The following NFIB variants were observed in gnomAD, a reference collection of about 807,000 sequenced individuals.
NFIB encodes the protein nuclear factor I B.
NFIB carries 11 observed loss-of-function variants against 61.5 expected under a neutral mutation model. The ratio of observed to expected loss-of-function variants is 0.18; its 90% CI spans 0.11 to 0.30. NFIB has a LOEUF of 0.30. Among genes scored for constraint, NFIB ranks in the 10% least tolerant of loss-of-function variants. The probability of loss-of-function intolerance (pLI) is 1.00; values close to 1 mark genes in which losing one functional copy is unlikely to be tolerated. For missense variants in NFIB, 471 were observed against 608.9 expected (o/e 0.77, Z 2.38); for synonymous variants, 260 against 216.5 (o/e 1.20, Z -1.76).
intron 1 of NFIB, among the ~76,000 whole-genome samples, chr9:14,351,402 AG>A (rs1283042523): frequency 6.6e-6 from 1 of 152,052 alleles, no homozygotes; most frequent in Non-Finnish European, 1.5e-5. Flanking sequence ...GAGCTGGGCT[AG>A]GGCTGGCTGT....
chr9:14,292,019 T>C (rs900043442), intron 2 of NFIB, among the ~76,000 whole-genome samples: 49 of 152,086 alleles, frequency 3.2e-4, no homozygotes, highest in Admixed American at 2.9e-3. Flanking sequence ...CCTATGAAAA[T>C]GTATAAAAGA....
intron 1 of NFIB, chr9:14,322,023 C>T (rs2060672795): frequency 8.3e-7 from 1 of 1,208,972 alleles, no homozygotes; most frequent in African/African-American, 1.7e-5. Context: ...GTCTCAGGTA[C>T]AGATTTGTGG....
the NFIB span, among the ~76,000 whole-genome samples, chr9:14,483,035 G>A: frequency 1.3e-5 from 2 of 152,090 alleles, no homozygotes; most frequent in Non-Finnish European, 2.9e-5. Flanking sequence ...GACAATGATC[G>A]TCTTGTGCAT....
chr9:14,160,837 A>AG (rs1183410517), intron 3 of NFIB, among the ~76,000 whole-genome samples: 1 of 149,554 alleles, frequency 6.7e-6, no homozygotes, highest in East Asian at 2.0e-4. Flanking sequence ...ATCTCAAAAA[A>AG]AAAAAAAAAA....
intron 1 of NFIB, among the ~76,000 whole-genome samples, chr9:14,389,136 T>C (rs2133026219): frequency 6.6e-6 from 1 of 152,322 alleles, no homozygotes; most frequent in Non-Finnish European, 1.5e-5. Context: ...AATTGCAGTT[T>C]CCTCATATGG....
chr9:14,456,086 G>C, the NFIB span, among the ~76,000 whole-genome samples: 1 of 152,080 alleles, frequency 6.6e-6, no homozygotes, highest in Non-Finnish European at 1.5e-5. Context: ...TCAAAGCATT[G>C]AATGTACTAG....
At chr9:14,488,877 G>A in the NFIB span, among the ~76,000 whole-genome samples, 1 of 152,156 alleles carries the variant, frequency 6.6e-6, no homozygotes, top group Non-Finnish European at 1.5e-5. Context: ...CTCTCAGATT[G>A]GATATGCTTT....
intron 1 of NFIB, among the ~76,000 whole-genome samples, chr9:14,395,657 G>C (rs953677507): frequency 2.0e-5 from 3 of 147,522 alleles, no homozygotes; most frequent in Admixed American, 1.4e-4. Context: ...TGGTTGCCTT[G>C]CCACGCTAAT....
intron 1 of NFIB, among the ~76,000 whole-genome samples, chr9:14,397,128 A>C (rs1462037277): frequency 6.6e-6 from 1 of 152,144 alleles, no homozygotes; most frequent in Non-Finnish European, 1.5e-5. Flanking sequence ...TTCTTCTTTA[A>C]GTAAAAAGCC....
intron 2 of NFIB, among the ~76,000 whole-genome samples, chr9:14,212,947 G>T (rs2050467002): frequency 6.6e-6 from 1 of 152,128 alleles, no homozygotes; most frequent in African/African-American, 2.4e-5. Context: ...CTTAAGTTAA[G>T]ATAACAGCTA....
In NFIB at chr9:14,083,957, C is replaced by T. The variant is rs921496929; in HGVS notation, c.*4352G>A. 2.7e-5 allele frequency: 6 copies of T among 220,436 alleles called. No individual in the cohort carries two copies. The highest frequency in any genetic ancestry group is 1.3e-4 in the African/African-American group (6 of 44,608). The allele number at this position is 220,436 out of a possible 1,614,324, so 13.7% of individuals were successfully genotyped here. A position where few individuals can be genotyped will look rare whatever the true frequency, so the allele number is the denominator to read the frequency against. The stretch of plus-strand genomic sequence containing the variant: ...AAACTTTTGCTAAAGGCCGTATATA[C>T]TAATAAAAAGACAGTGGTGCTTCGA... On this transcript the variant is annotated 3_prime_UTR_variant, in exon 11 of 11. Transcript: ENST00000380953.
At chr9:14,528,884 G>A in the NFIB span, among the ~76,000 whole-genome samples, 9 of 152,120 alleles carry the variant, frequency 5.9e-5, no homozygotes, top group Non-Finnish European at 1.0e-4. Flanking sequence ...TAGGAGATAT[G>A]TCTTTAATAC....
At chr9:14,125,878 C>T (rs1161669388) in intron 6 of NFIB, 112 bp from the exon 7 acceptor site, 11 of 1,408,568 alleles carry the variant, frequency 7.8e-6, no homozygotes, top group Non-Finnish European at 1.0e-5. Flanking sequence ...TATACTTTGG[C>T]TCTTTTACAA....
At chr9:14,347,841 T>G (rs1212696156) in intron 1 of NFIB, among the ~76,000 whole-genome samples, 1 of 151,878 alleles carries the variant, frequency 6.6e-6, no homozygotes, top group East Asian at 1.9e-4. Context: ...CGGGATTAGA[T>G]TCTCTCGCCG....
intron 10 of NFIB, among the ~76,000 whole-genome samples, chr9:14,111,729 C>G (rs879377541): frequency 2.6e-5 from 4 of 152,108 alleles, no homozygotes; most frequent in African/African-American, 4.8e-5. Flanking sequence ...GGCAAAACCA[C>G]TAATTATTAT....
chr9:14,336,108 A>G (rs548475776), intron 1 of NFIB, among the ~76,000 whole-genome samples: 1 of 152,174 alleles, frequency 6.6e-6, no homozygotes, highest in Non-Finnish European at 1.5e-5. Context: ...AGGTAGTGTT[A>G]GTTCTCCAGA....
At chr9:14,455,973 T>A in the NFIB span, among the ~76,000 whole-genome samples, 1 of 152,172 alleles carries the variant, frequency 6.6e-6, no homozygotes, top group African/African-American at 2.4e-5. Context: ...TCAAGAGGTA[T>A]CATTAATAGT....
intron 2 of NFIB, among the ~76,000 whole-genome samples, chr9:14,241,725 T>C (rs2054379814): frequency 6.6e-6 from 1 of 152,296 alleles, no homozygotes; most frequent in Admixed American, 6.5e-5. Flanking sequence ...GTCTGGTGTG[T>C]ACCAGATGTT....
At chr9:14,314,181 G>A, upstream of NFIB, 14 of 839,528 alleles carry the variant, frequency 1.7e-5, no homozygotes, top group Non-Finnish European at 1.9e-5. Flanking sequence ...GGCCGGGGTG[G>A]GGGCGGGGTG....
Sources: allele counts gnomAD v4.1 joint callset (sites outside exome capture counted in the v4.1 genomes callset), GRCh38; gene constraint gnomAD v4.1.1; transcripts MANE v1.5; gene names NCBI Gene and HGNC (gene_info 2026-07-23, HGNC 2026-07-21).